CSMD1: variants seen among roughly 807,000 people sequenced by gnomAD.
CSMD1 encodes CUB and sushi domain-containing protein 1.
A neutral mutation model predicts 417.5 loss-of-function variants in CSMD1; 213 were observed. The observed-to-expected ratio is 0.51, with a 90% confidence interval of 0.46 to 0.57. The LOEUF (loss-of-function observed/expected upper bound fraction) is 0.57. Among genes scored for constraint, CSMD1 ranks in the 20% least tolerant of loss-of-function variants. The pLI is 0.00. For synonymous variants in CSMD1, 2,862 were observed against 1,736.8 expected (o/e 1.65, Z -16.11); for missense variants, 6,923 against 4,529.7 (o/e 1.53, Z -15.17).
At chr8:4,929,946 T>C (rs979799608) in intron 1 of CSMD1, among the ~76,000 whole-genome samples, 1 of 152,202 alleles carries the variant, frequency 6.6e-6, no homozygotes, top group Admixed American at 6.5e-5. Flanking sequence ...AGTTCCTGAG[T>C]GAAGCTACAG....
At chr8:4,754,830 C>T (rs11774640) in intron 1 of CSMD1, among the ~76,000 whole-genome samples, 16,117 of 149,502 alleles carry the variant, frequency 0.11, 958 homozygotes, top group Non-Finnish European at 0.13. Context: ...GCCTGGGTGA[C>T]GGAGCAAGAC....
At chr8:3,810,175 T>G (rs1404275287) in intron 5 of CSMD1, among the ~76,000 whole-genome samples, 2 of 152,182 alleles carry the variant, frequency 1.3e-5, no homozygotes, top group African/African-American at 4.8e-5. Context: ...ATATAGCAGG[T>G]GCTCCATACA....
chr8:3,342,485 A>AT (rs1312966629), intron 23 of CSMD1, among the ~76,000 whole-genome samples: 1 of 152,220 alleles, frequency 6.6e-6, no homozygotes, highest in Non-Finnish European at 1.5e-5. Context: ...AAACATTTTA[A>AT]TTAATTAGTT....
chr8:3,967,373 G>C (rs953738764), intron 5 of CSMD1, among the ~76,000 whole-genome samples: 1 of 152,016 alleles, frequency 6.6e-6, no homozygotes, highest in African/African-American at 2.4e-5. Flanking sequence ...TGGAACTGCA[G>C]GCTCATTATT....
At chr8:4,806,511 C>A (rs896860718) in intron 1 of CSMD1, among the ~76,000 whole-genome samples, 2 of 152,196 alleles carry the variant, frequency 1.3e-5, no homozygotes, top group Non-Finnish European at 2.9e-5. Context: ...TCACTTCTTT[C>A]CTCTGGAGCT....
intron 1 of CSMD1, among the ~76,000 whole-genome samples, chr8:4,893,396 T>C (rs1055333184): frequency 6.6e-6 from 1 of 152,074 alleles, no homozygotes; most frequent in African/African-American, 2.4e-5. Context: ...ACAGAATTTT[T>C]TTTCTTAATG....
chr8:3,477,767 G>T (rs13248265), intron 11 of CSMD1, among the ~76,000 whole-genome samples: 92,761 of 151,820 alleles, frequency 0.61, 29,056 homozygotes, highest in Middle Eastern at 0.74. Flanking sequence ...CAGTATTGAG[G>T]AGGTACTGAG....
intron 2 of CSMD1, among the ~76,000 whole-genome samples, chr8:4,594,645 T>C (rs1800162190): frequency 6.6e-6 from 1 of 152,188 alleles, no homozygotes; most frequent in Non-Finnish European, 1.5e-5. Flanking sequence ...TCTTTCAACT[T>C]CAAAACCTAC....
At chr8:3,459,264 A>C (rs1431565838) in intron 12 of CSMD1, among the ~76,000 whole-genome samples, 1 of 152,192 alleles carries the variant, frequency 6.6e-6, no homozygotes, top group African/African-American at 2.4e-5. Context: ...CTCATGGACC[A>C]GAGTGAGCAG....
intron 7 of CSMD1, among the ~76,000 whole-genome samples, chr8:3,699,759 G>C (rs1004403340): frequency 2.0e-5 from 3 of 152,172 alleles, no homozygotes; most frequent in African/African-American, 7.2e-5. Context: ...GCTCCGCAAC[G>C]AGGGACTGTT....
At chr8:3,906,673 G>C (rs1384733694) in intron 5 of CSMD1, among the ~76,000 whole-genome samples, 1 of 150,988 alleles carries the variant, frequency 6.6e-6, no homozygotes, top group Non-Finnish European at 1.5e-5. Flanking sequence ...ACAGCAGAGA[G>C]AAAATAACTA....
rs750581379 is a variant in CSMD1, at chr8:3,624,455, T to C, written c.1010-7658A>G. ...GAGCCATTTAGATAAACTCACACTT[T>C]TTAGCACGAAGGCACTTACGATTGA... On this transcript the variant is annotated intron_variant, in intron 7 of 69. Coordinates refer to ENST00000635120, the MANE Select transcript of CSMD1 (RefSeq NM_033225.6). Among the ~76,000 whole-genome samples the C allele has an allele frequency of 3.9e-5, 6 of 152,368 alleles. No homozygotes were observed. In the South Asian group the frequency reaches 6.2e-4, roughly 16 times the overall value.
At chr8:4,184,696 T>C (rs564805465) in intron 3 of CSMD1, among the ~76,000 whole-genome samples, 1 of 151,294 alleles carries the variant, frequency 6.6e-6, no homozygotes. Flanking sequence ...ACACCAGAGG[T>C]TGGAAGGTGG....
chr8:3,893,314 T>A (rs1807111156), intron 5 of CSMD1, among the ~76,000 whole-genome samples: 1 of 139,718 alleles, frequency 7.2e-6, no homozygotes, highest in African/African-American at 2.6e-5. Flanking sequence ...AAATTTTATG[T>A]CCCAAACTAA....
intron 10 of CSMD1, among the ~76,000 whole-genome samples, chr8:3,559,573 AAC>A (rs1485505941): frequency 2.0e-5 from 3 of 152,216 alleles, no homozygotes; most frequent in Non-Finnish European, 1.5e-5. Flanking sequence ...TGTGTTTATA[AAC>A]ACAGAGATAC....
At chr8:3,862,245 G>C (rs1048505928) in intron 5 of CSMD1, among the ~76,000 whole-genome samples, 1 of 152,062 alleles carries the variant, frequency 6.6e-6, no homozygotes, top group Admixed American at 6.6e-5. Context: ...CTCATACACA[G>C]CTTCCACTTA....
chr8:4,334,885 G>A (rs1467457855), intron 3 of CSMD1, among the ~76,000 whole-genome samples: 1 of 152,086 alleles, frequency 6.6e-6, no homozygotes, highest in Non-Finnish European at 1.5e-5. Context: ...AGATCAAGGT[G>A]ATAGATCAGG....
chr8:3,509,580 T>G (rs922753070), intron 10 of CSMD1, among the ~76,000 whole-genome samples: 1 of 152,208 alleles, frequency 6.6e-6, no homozygotes, highest in Non-Finnish European at 1.5e-5. Context: ...TATAACTGTT[T>G]CTATGTTAGA....
rs759119710 is a variant in CSMD1 at position 4,040,267 on chromosome 8, T to C, written c.416-8168A>G. Among the ~76,000 whole-genome samples, 57 of 152,212 alleles carry C rather than the reference T, an allele frequency of 3.7e-4. 1 individual carries two copies. Among genetic ancestry groups the C allele is most frequent in the Non-Finnish European group, 8.8e-5 (6 of 68,046 alleles). On this transcript the variant is annotated intron_variant, in intron 3 of 69. Transcript: ENST00000635120. ...TCTGCCTTATCATAATAACCGGAAATACTTGCACAACACACACTATGTGCT... is the reference window on the plus strand; with the variant it reads ...TCTGCCTTATCATAATAACCGGAAACACTTGCACAACACACACTATGTGCT...
Sources: gnomAD v4.1 joint callset for allele counts (sites outside exome capture counted in the v4.1 genomes callset) on GRCh38, gnomAD v4.1.1 for gene constraint, MANE v1.5 for transcripts, NCBI Gene and HGNC (gene_info 2026-07-23, HGNC 2026-07-21) for gene names.